STYX: variants seen among roughly 807,000 people sequenced by gnomAD.
STYX encodes the protein serine/threonine/tyrosine-interacting protein.
STYX carries 20 observed loss-of-function variants against 42.7 expected under a neutral mutation model. The ratio of observed to expected loss-of-function variants is 0.47; its 90% CI spans 0.33 to 0.68. STYX has a LOEUF of 0.68. Among genes scored for constraint, STYX ranks in the 30% least tolerant of loss-of-function variants. The pLI is 0.02. For synonymous variants in STYX, 78 were observed against 81.9 expected, an observed-to-expected ratio of 0.95 and a Z score of 0.26; for missense variants, 226 against 268.5, an observed-to-expected ratio of 0.84 and a Z score of 1.11.
chr14:52,763,836 T>C (rs1359039839), intron 9 of STYX, among the ~76,000 whole-genome samples: 1 of 152,366 alleles, frequency 6.6e-6, no homozygotes, highest in Middle Eastern at 3.4e-3. Context: ...TGTCTTGGGC[T>C]GAAATCAGTG....
At chr14:52,759,383 G>A (rs1163643033) in intron 8 of STYX, among the ~76,000 whole-genome samples, 1 of 152,184 alleles carries the variant, frequency 6.6e-6, no homozygotes, top group African/African-American at 2.4e-5. Flanking sequence ...GCCTCTCAAA[G>A]GATTGGGGTT....
intron 9 of STYX, among the ~76,000 whole-genome samples, chr14:52,767,874 T>C (rs1040263234): frequency 2.0e-5 from 3 of 152,196 alleles, no homozygotes; most frequent in Admixed American, 1.3e-4. Context: ...CAGGCTAGAA[T>C]TGCTGATTTA....
intron 1 of STYX, among the ~76,000 whole-genome samples, chr14:52,743,845 A>G (rs1014298303): frequency 6.6e-6 from 1 of 152,162 alleles, no homozygotes; most frequent in Non-Finnish European, 1.5e-5. Flanking sequence ...ATTTTTTTAG[A>G]CGGGGTCTCA....
intron 1 of STYX, among the ~76,000 whole-genome samples, chr14:52,732,905 A>G (rs1257039267): frequency 6.7e-6 from 1 of 150,350 alleles, no homozygotes; most frequent in Admixed American, 6.6e-5. Flanking sequence ...GCCAGACCTC[A>G]AGTGATCCGC....
chr14:52,742,886 T>C (rs1048641869), intron 1 of STYX, among the ~76,000 whole-genome samples: 4 of 151,716 alleles, frequency 2.6e-5, no homozygotes, highest in East Asian at 2.0e-4. Context: ...AACCTCCGCT[T>C]CCAGGTTCAA....
intron 1 of STYX, among the ~76,000 whole-genome samples, chr14:52,732,322 T>A (rs1880761002): frequency 6.9e-6 from 1 of 145,586 alleles, no homozygotes; most frequent in Non-Finnish European, 1.5e-5. Flanking sequence ...GCTGGAATGA[T>A]CTTGCAGTGG....
At chr14:52,759,318 C>T (rs1471925010) in intron 8 of STYX, among the ~76,000 whole-genome samples, 1 of 152,152 alleles carries the variant, frequency 6.6e-6, no homozygotes, top group Non-Finnish European at 1.5e-5. Flanking sequence ...TGGGGTCTTA[C>T]TACATTGCCC....
At chr14:52,737,197 A>G (rs1391856976) in intron 1 of STYX, among the ~76,000 whole-genome samples, 4 of 152,216 alleles carry the variant, frequency 2.6e-5, no homozygotes, top group Non-Finnish European at 5.9e-5. Flanking sequence ...GTAAAAGTTC[A>G]TATTTCATAT....
At chr14:52,753,047 ATTTTTTTT>A (rs959737468) in intron 4 of STYX, among the ~76,000 whole-genome samples, 3 of 88,666 alleles carry the variant, frequency 3.4e-5, no homozygotes, top group African/African-American at 9.0e-5. Context: ...CACCCAGCTA[ATTTTTTTT>A]TTTTTTTTTT....
Position 52,730,267 on chromosome 14 carries a change from C to T in STYX, c.-208C>T, listed in dbSNP as rs1880635032. 5.1e-6 allele frequency: 3 copies of T among 587,502 alleles called. No homozygotes were observed. Among genetic ancestry groups the T allele is most frequent in the African/African-American group, 1.9e-5 (1 of 52,634 alleles). 36.4% of individuals were successfully genotyped at this position (587,502 alleles called of 1,614,324 possible). A position where few individuals can be genotyped will look rare whatever the true frequency, so the allele number is the denominator to read the frequency against. On this transcript the variant is annotated 5_prime_UTR_variant, in exon 1 of 11. Transcript: ENST00000354586. ...CGGCATGGCGGCCGGGTGTAAGACG[C>T]CCGACCCTCCTCTTCCCTGTCTTCG... is the stretch of plus-strand genomic sequence containing the variant.
chr14:52,750,946 T>C (rs1257052264), intron 4 of STYX, among the ~76,000 whole-genome samples, 166 bp downstream of exon 4: 1 of 152,084 alleles, frequency 6.6e-6, no homozygotes, highest in Non-Finnish European at 1.5e-5. Flanking sequence ...ATGCCCATAA[T>C]GCAGAATTCT....
rs548466280 is a variant in STYX, at chr14:52,772,101, T to G, written c.*995T>G. On this transcript the variant is annotated 3_prime_UTR_variant, in exon 11 of 11. Coordinates refer to ENST00000354586, the MANE Select transcript of STYX (RefSeq NM_145251.4). ...AATCCTCATGGCCTCTAAATTAGTA[T>G]GTAGAACACTGAAAAGTTCTTAACA... 1 of 152,514 alleles carries G rather than the reference T, an allele frequency of 6.6e-6. No homozygotes were observed. Among genetic ancestry groups the G allele is most frequent in the Admixed American group, 6.5e-5 (1 of 15,300 alleles). The allele number at this position is 152,514 out of a possible 1,614,324, so 9.4% of individuals were successfully genotyped here. A position where few individuals can be genotyped will look rare whatever the true frequency, so the allele number is the denominator to read the frequency against.
At chr14:52,753,180 G>T (rs1432319897) in intron 4 of STYX, among the ~76,000 whole-genome samples, 1 of 151,034 alleles carries the variant, frequency 6.6e-6, no homozygotes, top group Non-Finnish European at 1.5e-5. Context: ...CTTCTAAGTA[G>T]CTGAGATTAC....
At chr14:52,751,890 C>T (rs887419977) in intron 4 of STYX, among the ~76,000 whole-genome samples, 9 of 152,122 alleles carry the variant, frequency 5.9e-5, no homozygotes, top group East Asian at 1.9e-4. Flanking sequence ...TAGGCCAGCA[C>T]GGTGGCTCAC....
At chr14:52,748,290 G>T (rs149111934) in intron 3 of STYX, among the ~76,000 whole-genome samples, 1 of 152,032 alleles carries the variant, frequency 6.6e-6, no homozygotes, top group East Asian at 1.9e-4. Flanking sequence ...ACAGTGGCGC[G>T]CTCTCATAGC....
Position 52,744,827 on chromosome 14 carries a change from TTTATTC to T in STYX, c.58-20_58-15del, listed in dbSNP as rs1218848911. The stretch of plus-strand genomic sequence containing the variant: ...GGTGACTTTTTAAATGTTATCTACT[TTTATTC>T]TTATGTTTTCCTTCCCAGGAGTGGA... On this transcript the variant is annotated intron_variant, in intron 1 of 10. Transcript: ENST00000354586. The T allele has an allele frequency of 1.2e-6, 2 of 1,610,966 alleles. No individual in the cohort carries two copies. The highest frequency in any genetic ancestry group is 1.7e-6 in the Non-Finnish European group (2 of 1,178,226).
chr14:52,731,824 T>C (rs1319249695), intron 1 of STYX: 1 of 152,134 alleles, frequency 6.6e-6, no homozygotes, highest in Non-Finnish European at 1.5e-5. Context: ...TGTTTGTGAC[T>C]ATCACTGTTG....
chr14:52,734,497 T>C (rs1880868312), intron 1 of STYX, among the ~76,000 whole-genome samples: 1 of 152,194 alleles, frequency 6.6e-6, no homozygotes, highest in South Asian at 2.1e-4. Flanking sequence ...TTCATTAGCA[T>C]AATCAGGTTT....
chr14:52,731,314 C>CT lies in STYX; in HGVS notation c.57+784dup, dbSNP rs561314349. ...CTTTAGTAGGATTAAGAAAGAAAAT[C>CT]TAACATCGCTAGTTAAAAATACCTT... On this transcript the variant is annotated intron_variant, in intron 1 of 10. Transcript: ENST00000354586. Among the ~76,000 whole-genome samples the CT allele has an allele frequency of 3.8e-3, 585 of 151,968 alleles. 3 individuals carry two copies. The highest frequency in any genetic ancestry group is 0.013 in the African/African-American group (546 of 41,440).
Sources: gnomAD v4.1 joint callset for allele counts (sites outside exome capture counted in the v4.1 genomes callset) on GRCh38, gnomAD v4.1.1 for gene constraint, MANE v1.5 for transcripts, NCBI Gene and HGNC (gene_info 2026-07-23, HGNC 2026-07-21) for gene names.